Variants in GPR179 observed in about 807,000 individuals in gnomAD.
The protein encoded by GPR179 is probable G protein-coupled receptor 179.
Under a neutral mutation model 70.8 loss-of-function variants are expected in GPR179, and 52 were observed. That is an observed-to-expected ratio of 0.73 (90% CI 0.59 to 0.93). The LOEUF is 0.93. GPR179 is among the 40% of genes least tolerant of loss of function. The pLI, the probability that GPR179 is intolerant of heterozygous loss-of-function variation, is 0.00. For missense variants in GPR179, 2,734 were observed against 2,966.8 expected (o/e 0.92, Z 1.82); for synonymous variants, 1,123 against 1,169.0 (o/e 0.96, Z 0.80).
chr17:38,332,077 G>A (rs1280797450), intron 10 of GPR179, among the ~76,000 whole-genome samples: 8 of 152,166 alleles, frequency 5.3e-5, no homozygotes, highest in African/African-American at 1.9e-4. Flanking sequence ...GGAGGGTCAG[G>A]GGTGGAGCTG....
rs141146547 is a variant in GPR179 at position 38,326,771 on chromosome 17, A to T, written c.6798T>A (p.Phe2266Leu). The T allele has an allele frequency of 6.2e-7, 1 of 1,614,206 alleles. No homozygotes were observed. The highest frequency in any genetic ancestry group is 2.2e-5 in the East Asian group (1 of 44,886). The change falls in exon 11 of 11, where the codon TTT becomes TTA. Residue 2266 changes from phenylalanine (F) to leucine (L), a missense_variant. Transcript: ENST00000616987. ...GTGGTTTTTCAGGAGCTGTGGGGAA[A>T]AATTCTCTCCGAGTTGCTGTTAAAG... Reference protein sequence around the residue: ...LLALTATRREFFPTAPEKPLC... With the variant: ...LLALTATRRELFPTAPEKPLC...
chr17:38,337,700 C>G lies in GPR179; in HGVS notation c.924G>C (p.Gln308His). ...NSTQCVPLES[Q>H]GFVLGRYLCR... ...AGAGGTAGCGGCCAAGAACAAAGCC[C>G]TGACTCTCCAGGGGGACACACTATG... is the stretch of plus-strand genomic sequence containing the variant. The change falls in exon 3 of 11, where the codon CAG becomes CAC. Residue 308 changes from glutamine to histidine, a missense_variant. Physicochemically the swap from Gln to His is conservative, Grantham distance 24. Transcript: ENST00000616987. 2 of 1,613,860 alleles carry G rather than the reference C, an allele frequency of 1.2e-6. No individual in the cohort carries two copies. Among genetic ancestry groups the G allele is most frequent in the Non-Finnish European group, 8.5e-7 (1 of 1,179,902 alleles).
intron 2 of GPR179, 195 bp downstream of exon 2, chr17:38,339,222 G>T (rs976534286): frequency 7.5e-6 from 4 of 530,792 alleles, no homozygotes; most frequent in Non-Finnish European, 1.3e-5. Flanking sequence ...ATAGGGGGTG[G>T]GGGGGCAGGC....
At chr17:38,342,411 G>A (rs1438804310) in intron 1 of GPR179, among the ~76,000 whole-genome samples, 4 of 150,704 alleles carry the variant, frequency 2.7e-5, no homozygotes, top group African/African-American at 7.4e-5. Flanking sequence ...TCGGGTCACC[G>A]CAACGTCTGC....
intron 1 of GPR179, 142 bp from the exon 2 acceptor site, chr17:38,339,667 A>T (rs2037434014): frequency 1.6e-6 from 1 of 612,074 alleles, no homozygotes; most frequent in Non-Finnish European, 2.9e-6. Flanking sequence ...AAAGGAGATT[A>T]GAAGGGTTCA....
At chr17:38,336,870 A>T in intron 4 of GPR179, 108 bp downstream of exon 4, 1 of 1,164,136 alleles carries the variant, frequency 8.6e-7, no homozygotes, top group Non-Finnish European at 1.2e-6. Context: ...AGTTAGATTT[A>T]GAATCAAGAT....
In GPR179 at chr17:38,326,486, G is replaced by A. The variant is rs1166672508; in HGVS notation, c.7083C>T (p.Val2361=). 1.9e-6 allele frequency: 3 copies of A among 1,609,074 alleles called. No homozygotes were observed. The highest frequency in any genetic ancestry group is 1.7e-5 in the Admixed American group (1 of 59,776). Residue 2361 remains valine, a synonymous_variant, in exon 11 of 11, where the codon GTC becomes GTT. Transcript: ENST00000616987. Reference sequence around the variant, plus strand: ...GCTGTTACTCCCAATCCCAAGGATAGACAGTGGGAGGGGTGAATTCTTCAT... The same window carrying A: ...GCTGTTACTCCCAATCCCAAGGATAAACAGTGGGAGGGGTGAATTCTTCAT... ...AQYEEFTPPT[V]YPWDWE is the part of the protein sequence containing the mutation.
At chr17:38,340,204 A>G (rs2037438256) in intron 1 of GPR179, among the ~76,000 whole-genome samples, 2 of 152,148 alleles carry the variant, frequency 1.3e-5, no homozygotes. Flanking sequence ...TGGCATGATC[A>G]TAGCTCACTG....
Position 38,326,973 on chromosome 17 carries a change from G to C in GPR179, c.6596C>G (p.Ala2199Gly). ...GSGGLLPQSG[A>G]LDPELKVSPK... ...GCTGACTTTGAGTTCTGGGTCCAGG[G>C]CACCTGACTGGGGCAAGAGCCCTCC... The change falls in exon 11 of 11, where the codon GCC becomes GGC. Residue 2199 changes from alanine to glycine, a missense_variant. Physicochemically the swap from Ala to Gly is moderately conservative, Grantham distance 60. Coordinates refer to ENST00000616987, the MANE Select transcript of GPR179 (RefSeq NM_001004334.4). 1 of 1,614,054 alleles carries C rather than the reference G, an allele frequency of 6.2e-7. No individual in the cohort carries two copies.
chr17:38,341,088 C>A (rs142434297), intron 1 of GPR179, among the ~76,000 whole-genome samples: 14 of 152,290 alleles, frequency 9.2e-5, no homozygotes, highest in Non-Finnish European at 1.9e-4. Flanking sequence ...GGGGACAATG[C>A]AGTCTTTGCA....
In GPR179 at chr17:38,343,863, GC is replaced by G; in HGVS notation, c.-75del. Reference sequence around the variant, plus strand: ...GGCAGAGGCTGGCTGCAGTCTGGGGGCTGTCGGCCTCCACGCCTCCTATGCT... The same window carrying G: ...GGCAGAGGCTGGCTGCAGTCTGGGGGTGTCGGCCTCCACGCCTCCTATGCT... On this transcript the variant is annotated 5_prime_UTR_variant, in exon 1 of 11. Transcript: ENST00000616987. The surrounding 1 kb of genome is among the most constrained non-coding windows in gnomAD (Gnocchi z 4.2). The G allele has an allele frequency of 7.9e-7, 1 of 1,259,276 alleles. No homozygotes were observed. The highest frequency in any genetic ancestry group is 1.1e-6 in the Non-Finnish European group (1 of 939,448). The allele number at this position is 1,259,276 out of a possible 1,614,324, so 78.0% of individuals were successfully genotyped here.
At chr17:38,340,484 A>G (rs2037440112) in intron 1 of GPR179, among the ~76,000 whole-genome samples, 1 of 152,106 alleles carries the variant, frequency 6.6e-6, no homozygotes, top group Non-Finnish European at 1.5e-5. Context: ...CTTTGGTTAT[A>G]TTGTTCAGGC....
At position 38,339,736 on chromosome 17, in the gene GPR179, G is replaced by A. The variant is rs149508075; in HGVS notation, c.795-211C>T. Reference sequence around the variant, plus strand: ...TTGTCTCCTGCCCCTCTTTCTCCCCGCTGAAGTGAGTTCTAGAAACCAGAA... The same window carrying A: ...TTGTCTCCTGCCCCTCTTTCTCCCCACTGAAGTGAGTTCTAGAAACCAGAA... On this transcript the variant is annotated intron_variant, in intron 1 of 10. Coordinates refer to ENST00000616987, the MANE Select transcript of GPR179 (RefSeq NM_001004334.4). 5.9e-5 allele frequency among the ~76,000 whole-genome samples: 9 copies of A among 152,156 alleles called. No individual in the cohort carries two copies. The East Asian group carries it at 9.6e-4, about 16-fold the overall frequency.
At chr17:38,336,911 A>T in intron 4 of GPR179, 67 bp downstream of exon 4, 1 of 1,472,160 alleles carries the variant, frequency 6.8e-7, no homozygotes, top group Admixed American at 2.1e-5. Flanking sequence ...TTCTGGTCTT[A>T]GGTAGTCTCA....
rs1381234821 is a variant in GPR179, at chr17:38,327,136, G to A, written c.6433C>T (p.Gln2145Ter). Residue 2145 changes from glutamine (Q) to a stop codon, truncating the protein, a stop_gained, in exon 11 of 11, where the codon CAG (glutamine) becomes TAG (stop). Transcript: ENST00000616987. LOFTEE classifies it low-confidence loss of function (END_TRUNC). ...AGGGAAEEGEQERESQGQGEM... is the reference protein window; with the variant it reads ...AGGGAAEEGE ...CCTTGCCCTTGTGATTCTCTTTCCT[G>A]TTCCCCTTCCTCTGCTGCTCCTCCA... 6.8e-6 allele frequency: 11 copies of A among 1,614,218 alleles called. No individual in the cohort carries two copies. Among genetic ancestry groups the A allele is most frequent in the Non-Finnish European group, 9.3e-6 (11 of 1,180,044 alleles).
Position 38,336,960 on chromosome 17 carries a change from GT to G in GPR179, c.1227+17del. On this transcript the variant is annotated intron_variant, in intron 4 of 10. Coordinates refer to ENST00000616987, the MANE Select transcript of GPR179 (RefSeq NM_001004334.4). ...GATGGGTCGGACATGTGTGTAGGAG[GT>G]GTGGGGCCTTCCTTGCCTTGTTCCG... 6.4e-7 allele frequency: 1 copy of G among 1,570,576 alleles called. No individual in the cohort carries two copies. The highest frequency in any genetic ancestry group is 8.6e-7 in the Non-Finnish European group (1 of 1,157,986).
In GPR179 at chr17:38,328,706, C is replaced by A; in HGVS notation, c.4863G>T (p.Glu1621Asp). ...PRGGESQKDK[E>D]KMPGKSEIED... The stretch of plus-strand genomic sequence containing the variant: ...CGATTTCCGATTTTCCAGGCATTTT[C>A]TCCTTGTCCTTTTGAGATTCTCCTC... Residue 1621 changes from glutamate to aspartate, a missense_variant, in exon 11 of 11, where the codon GAG (glutamate) becomes GAT (aspartate). Coordinates refer to ENST00000616987, the MANE Select transcript of GPR179 (RefSeq NM_001004334.4). 6.2e-7 allele frequency: 1 copy of A among 1,614,092 alleles called. No homozygotes were observed. The highest frequency in any genetic ancestry group is 8.5e-7 in the Non-Finnish European group (1 of 1,180,014).
Position 38,328,877 on chromosome 17 carries a change from A to T in GPR179, c.4692T>A (p.Asn1564Lys). 6.2e-7 allele frequency: 1 copy of T among 1,613,254 alleles called. No homozygotes were observed. The highest frequency in any genetic ancestry group is 8.5e-7 in the Non-Finnish European group (1 of 1,179,870). The change falls in exon 11 of 11, where the codon AAT becomes AAA. Residue 1564 changes from asparagine to lysine, a missense_variant. By Grantham distance (94) the Asn-to-Lys change is moderately conservative. Coordinates refer to ENST00000616987, the MANE Select transcript of GPR179 (RefSeq NM_001004334.4). ...ACACCTGCGTTGCTCTGCTTCCTCC[A>T]TTGCATAGGAATTGGCTACCAGCTT... Reference protein sequence around the residue: ...SSKAGSQFLCNGGSRATQVCP... With the variant: ...SSKAGSQFLCKGGSRATQVCP...
Position 38,335,566 on chromosome 17 carries a change from G to A in GPR179, c.1406+25C>T, listed in dbSNP as rs911304399. 26 of 1,521,618 alleles carry A rather than the reference G, an allele frequency of 1.7e-5. No homozygotes were observed. In the East Asian group the frequency reaches 3.4e-4, roughly 20 times the overall value. 94.3% of individuals were successfully genotyped at this position (1,521,618 alleles called of 1,614,324 possible). On this transcript the variant is annotated intron_variant, in intron 6 of 10. Coordinates refer to ENST00000616987, the MANE Select transcript of GPR179 (RefSeq NM_001004334.4). ...GGGTGGTCTGGGATGAGCAGCATGA[G>A]AGCAAAGTCTGCCCCAGGCCGTACC...
Sources: gnomAD v4.1 joint callset for allele counts (sites outside exome capture counted in the v4.1 genomes callset) on GRCh38, gnomAD v4.1.1 for gene constraint, Gnocchi (gnomAD v3.1) non-coding constraint, MANE v1.5 for transcripts, NCBI Gene and HGNC (gene_info 2026-07-23, HGNC 2026-07-21) for gene names.